Variants in CTIF observed in about 807,000 individuals in gnomAD.
The protein encoded by CTIF is cap binding complex dependent translation initiation factor, also known as CBP80/20-dependent translation initiation factor.
Under a neutral mutation model 66.0 loss-of-function variants are expected in CTIF, and 21 were observed. That is an observed-to-expected ratio of 0.32 (90% CI 0.23 to 0.46). The LOEUF is 0.46. Ranked by LOEUF, CTIF falls within the 20% of genes least tolerant of loss-of-function variation. The probability of loss-of-function intolerance (pLI) is 1.00; values close to 1 mark genes in which losing one functional copy is unlikely to be tolerated. For synonymous variants in CTIF, 345 were observed against 326.4 expected (o/e 1.06, Z -0.62); for missense variants, 739 against 812.7 (o/e 0.91, Z 1.10).
At chr18:48,729,152 G>A (rs1471334015) in intron 7 of CTIF, among the ~76,000 whole-genome samples, 1 of 152,132 alleles carries the variant, frequency 6.6e-6, no homozygotes, top group Non-Finnish European at 1.5e-5. Context: ...CTTCCTGCCT[G>A]GGGAAGATTT....
intron 1 of CTIF, among the ~76,000 whole-genome samples, chr18:48,605,454 T>C (rs529179923): frequency 6.6e-6 from 1 of 152,336 alleles, no homozygotes; most frequent in African/African-American, 2.4e-5. Context: ...TCTCAGTTAA[T>C]TATCTGCCAG....
chr18:48,652,913 T>C (rs10468863), intron 3 of CTIF, among the ~76,000 whole-genome samples: 87,877 of 152,056 alleles, frequency 0.58, 28,116 homozygotes, highest in East Asian at 0.84. Flanking sequence ...AAAAGGCCTT[T>C]GACAAAATTC....
chr18:48,747,414 C>T (rs929901657), intron 7 of CTIF, among the ~76,000 whole-genome samples: 32 of 152,168 alleles, frequency 2.1e-4, no homozygotes, highest in African/African-American at 7.2e-4. Context: ...TAGAGAGGTA[C>T]GCTGGGCAGG....
intron 6 of CTIF, among the ~76,000 whole-genome samples, chr18:48,676,390 G>C (rs2145079643): frequency 6.6e-6 from 1 of 152,270 alleles, no homozygotes. Flanking sequence ...TGCTGTCTTT[G>C]GTCTGACAGT....
intron 7 of CTIF, among the ~76,000 whole-genome samples, chr18:48,729,423 C>T (rs768736326): frequency 4.6e-5 from 7 of 152,190 alleles, no homozygotes; most frequent in Admixed American, 1.3e-4. Context: ...GAGAAGGCTT[C>T]CTTGCTTAGG....
intron 5 of CTIF, among the ~76,000 whole-genome samples, chr18:48,667,519 G>C (rs2091457225): frequency 6.6e-6 from 1 of 152,160 alleles, no homozygotes; most frequent in Non-Finnish European, 1.5e-5. Flanking sequence ...ATTGACTACA[G>C]GTGCCCAATG....
intron 3 of CTIF, among the ~76,000 whole-genome samples, chr18:48,650,063 C>T (rs2091126962): frequency 6.6e-6 from 1 of 152,184 alleles, no homozygotes; most frequent in African/African-American, 2.4e-5. Flanking sequence ...AACAAGAGCG[C>T]CTCTTCTCCT....
Position 48,558,806 on chromosome 18 carries a change from C to G in CTIF, c.-29+19494C>G, listed in dbSNP as rs150516746. 8.5e-5 allele frequency among the ~76,000 whole-genome samples: 13 copies of G among 152,288 alleles called. No homozygotes were observed. In the East Asian group the frequency reaches 2.5e-3, roughly 29 times the overall value. On this transcript the variant is annotated intron_variant, in intron 1 of 11. Transcript: ENST00000256413. ...TTAATTGTTCAAATGATCATCTTAG[C>G]ATCAAACATGCTGCAATAAAAAGTG...
chr18:48,838,142 C>T (rs973370939), intron 10 of CTIF, among the ~76,000 whole-genome samples: 5 of 152,128 alleles, frequency 3.3e-5, no homozygotes, highest in Non-Finnish European at 7.4e-5. Flanking sequence ...CTCACTTCTC[C>T]AAGTGTGTAG....
At chr18:48,698,834 G>A (rs781331866) in intron 6 of CTIF, among the ~76,000 whole-genome samples, 3 of 152,142 alleles carry the variant, frequency 2.0e-5, no homozygotes, top group Non-Finnish European at 4.4e-5. Flanking sequence ...TTTAGCTGCA[G>A]GCTGGGGACT....
At chr18:48,651,758 C>T (rs546412421) in intron 3 of CTIF, among the ~76,000 whole-genome samples, 1 of 152,348 alleles carries the variant, frequency 6.6e-6, no homozygotes, top group East Asian at 1.9e-4. Context: ...GAAATCACAA[C>T]AAACTGTCTC....
intron 7 of CTIF, among the ~76,000 whole-genome samples, chr18:48,721,300 G>A (rs1315219098): frequency 2.6e-5 from 4 of 152,184 alleles, no homozygotes; most frequent in African/African-American, 7.2e-5. Context: ...AGAGATAAAT[G>A]CCATTTCCCC....
At chr18:48,738,147 C>T (rs1250790538) in intron 7 of CTIF, among the ~76,000 whole-genome samples, 1 of 152,184 alleles carries the variant, frequency 6.6e-6, no homozygotes, top group African/African-American at 2.4e-5. Flanking sequence ...TTCTTGACTC[C>T]AGCCCTTCTC....
intron 7 of CTIF, among the ~76,000 whole-genome samples, chr18:48,715,028 C>A (rs2092266196): frequency 6.6e-6 from 1 of 152,202 alleles, no homozygotes; most frequent in Non-Finnish European, 1.5e-5. Context: ...GTGATTGTGG[C>A]AGCAAACCCG....
chr18:48,629,527 T>A (rs911537025), intron 2 of CTIF, among the ~76,000 whole-genome samples: 3 of 152,098 alleles, frequency 2.0e-5, no homozygotes, highest in African/African-American at 7.2e-5. Context: ...CTCCAGTGTG[T>A]ATTTCCTCAG....
chr18:48,707,793 G>A (rs970653221), intron 6 of CTIF, among the ~76,000 whole-genome samples: 5 of 152,156 alleles, frequency 3.3e-5, no homozygotes, highest in African/African-American at 1.2e-4. Context: ...ACAAGGTTGT[G>A]CAACGATCAC....
intron 3 of CTIF, among the ~76,000 whole-genome samples, chr18:48,653,414 A>G (rs1388544191): frequency 6.6e-6 from 1 of 152,236 alleles, no homozygotes; most frequent in Admixed American, 6.5e-5. Context: ...AATCCAACTT[A>G]TAAGGAATGT....
At chr18:48,570,776 G>A (rs920409058) in intron 1 of CTIF, among the ~76,000 whole-genome samples, 9 of 152,122 alleles carry the variant, frequency 5.9e-5, no homozygotes, top group Admixed American at 3.3e-4. Flanking sequence ...AGGGGGTAGG[G>A]GTGACTCAGG....
At chr18:48,786,185 C>T (rs4997754) in intron 9 of CTIF, among the ~76,000 whole-genome samples, 19,645 of 152,168 alleles carry the variant, frequency 0.13, 1,416 homozygotes, top group Non-Finnish European at 0.15. Flanking sequence ...GAGGTGCCGG[C>T]GGAGCAGTCT....
Sources: gnomAD v4.1 joint callset for allele counts (sites outside exome capture counted in the v4.1 genomes callset) on GRCh38, gnomAD v4.1.1 for gene constraint, MANE v1.5 for transcripts, NCBI Gene and HGNC (gene_info 2026-07-23, HGNC 2026-07-21) for gene names.